The following MGAT5 variants were observed in gnomAD, a reference collection of about 807,000 sequenced individuals.
MGAT5 encodes the protein alpha-1,6-mannosylglycoprotein 6-beta-N-acetylglucosaminyltransferase A.
In MGAT5, 30 loss-of-function variants were observed where a neutral mutation model predicts 94.3. The observed-to-expected ratio is 0.32, with a 90% CI of 0.24 to 0.43. The LOEUF is 0.43. Among genes scored for constraint, MGAT5 ranks in the 20% least tolerant of loss-of-function variants. The pLI is 1.00. For missense variants in MGAT5, 691 were observed against 905.5 expected, an observed-to-expected ratio of 0.76 and a Z score of 3.04; for synonymous variants, 310 against 322.9, an observed-to-expected ratio of 0.96 and a Z score of 0.43.
At chr2:134,390,898 G>A (rs933069007) in intron 10 of MGAT5, among the ~76,000 whole-genome samples, 7 of 152,124 alleles carry the variant, frequency 4.6e-5, no homozygotes, top group Non-Finnish European at 7.3e-5. Flanking sequence ...CTGGATAAAC[G>A]TCTCTTCTTT....
intron 10 of MGAT5, among the ~76,000 whole-genome samples, chr2:134,394,548 C>A (rs567998780): frequency 6.6e-6 from 1 of 152,168 alleles, no homozygotes; most frequent in East Asian, 1.9e-4. Context: ...AATTCTCCCC[C>A]CTTCTTGTTA....
At chr2:134,430,421 C>G (rs1473367924) in intron 14 of MGAT5, among the ~76,000 whole-genome samples, 2 of 152,150 alleles carry the variant, frequency 1.3e-5, no homozygotes, top group African/African-American at 4.8e-5. Context: ...GCTAAATGCT[C>G]CATAATGCAG....
chr2:134,381,386 A>ATAGATAGATAGAT (rs1681567480), intron 10 of MGAT5, among the ~76,000 whole-genome samples: 1 of 95,336 alleles, frequency 1.0e-5, no homozygotes, highest in African/African-American at 4.1e-5. Context: ...GATAGATTAG[A>ATAGATAGATAGAT]TAGATAGATA....
chr2:134,208,610 A>C (rs1292860987), intron 1 of MGAT5, among the ~76,000 whole-genome samples: 1 of 152,232 alleles, frequency 6.6e-6, no homozygotes, highest in African/African-American at 2.4e-5. Context: ...AGTTGTTATA[A>C]TATAAATAAC....
At chr2:134,310,906 C>T (rs762767535) in intron 2 of MGAT5, among the ~76,000 whole-genome samples, 1 of 152,160 alleles carries the variant, frequency 6.6e-6, no homozygotes, top group Non-Finnish European at 1.5e-5. Flanking sequence ...GAGATTGAGT[C>T]GGTTCCCAGC....
intron 14 of MGAT5, among the ~76,000 whole-genome samples, chr2:134,441,499 C>T (rs927425210): frequency 3.3e-5 from 5 of 151,068 alleles, no homozygotes; most frequent in African/African-American, 1.2e-4. Flanking sequence ...TATGACCTCT[C>T]ATCCTGGAGC....
chr2:134,201,598 G>C (rs1679786484), intron 1 of MGAT5, among the ~76,000 whole-genome samples: 1 of 152,042 alleles, frequency 6.6e-6, no homozygotes, highest in South Asian at 2.1e-4. Flanking sequence ...CAATTTTTAT[G>C]ATTTGTCTTC....
chr2:134,412,175 T>C (rs1349382914), intron 11 of MGAT5, among the ~76,000 whole-genome samples: 1 of 152,144 alleles, frequency 6.6e-6, no homozygotes, highest in Non-Finnish European at 1.5e-5. Flanking sequence ...GAGCAAGTTG[T>C]TGCTGCCATC....
intron 2 of MGAT5, among the ~76,000 whole-genome samples, chr2:134,311,901 G>A (rs7587559): frequency 0.57 from 86,144 of 151,968 alleles, 26,672 homozygotes; most frequent in Non-Finnish European, 0.69. Flanking sequence ...TGACACCCAA[G>A]GCACCTAGCA....
At chr2:134,403,645 A>T (rs1683181541) in intron 11 of MGAT5, among the ~76,000 whole-genome samples, 1 of 152,236 alleles carries the variant, frequency 6.6e-6, no homozygotes, top group Admixed American at 6.5e-5. Flanking sequence ...ATCAGGAGAG[A>T]TGCAAGAGAT....
intron 4 of MGAT5, among the ~76,000 whole-genome samples, chr2:134,318,967 T>A (rs1198271537): frequency 6.6e-6 from 1 of 152,216 alleles, no homozygotes; most frequent in Non-Finnish European, 1.5e-5. Context: ...TAGCTTTTCT[T>A]TAAATTGTAG....
At chr2:134,396,663 C>T (rs1682728759) in intron 10 of MGAT5, among the ~76,000 whole-genome samples, 1 of 152,228 alleles carries the variant, frequency 6.6e-6, no homozygotes, top group African/African-American at 2.4e-5. Flanking sequence ...CCATGTTTCC[C>T]ACAAGTCCAT....
At chr2:134,249,292 A>G (rs1011230003), upstream of MGAT5, among the ~76,000 whole-genome samples, 2 of 151,126 alleles carry the variant, frequency 1.3e-5, no homozygotes, top group Non-Finnish European at 2.9e-5. Flanking sequence ...TTAAACGTAT[A>G]CAACTCCATG....
chr2:134,419,668 C>A (rs1684190254), intron 12 of MGAT5, among the ~76,000 whole-genome samples: 1 of 152,076 alleles, frequency 6.6e-6, no homozygotes, highest in African/African-American at 2.4e-5. Flanking sequence ...AGGAACGTAA[C>A]ATTCAGAGGG....
intron 9 of MGAT5, among the ~76,000 whole-genome samples, chr2:134,359,058 T>G (rs1450157231): frequency 6.6e-6 from 1 of 152,234 alleles, no homozygotes; most frequent in Non-Finnish European, 1.5e-5. Context: ...AAGAGACATT[T>G]TGTTCTAAAT....
chr2:134,287,578 G>A (rs901735506), intron 2 of MGAT5, among the ~76,000 whole-genome samples: 3 of 152,178 alleles, frequency 2.0e-5, no homozygotes, highest in Non-Finnish European at 4.4e-5. Flanking sequence ...GACCCTAAAT[G>A]TCTATTTCAG....
At chr2:134,189,602 G>GTTTTTTTTTGTTTTTTTTTT (rs1689240830) in intron 1 of MGAT5, among the ~76,000 whole-genome samples, 2 of 84,672 alleles carry the variant, frequency 2.4e-5, no homozygotes, top group African/African-American at 4.8e-5. Flanking sequence ...GTTTTTTTTT[G>GTTTTTTTTTGTTTTTTTTTT]TTTTTTTTTT....
At chr2:134,127,274 A>G (rs1685884797) in intron 1 of MGAT5, 1 of 154,640 alleles carries the variant, frequency 6.5e-6, no homozygotes. Context: ...CCCTCTGTAA[A>G]AAAGTTCTAG....
At chr2:134,336,817 A>T (rs1688361735) in intron 5 of MGAT5, among the ~76,000 whole-genome samples, 1 of 152,188 alleles carries the variant, frequency 6.6e-6, no homozygotes, top group Admixed American at 6.5e-5. Context: ...GGCCAAGGCC[A>T]TAGGTGACTG....
Sources: allele counts gnomAD v4.1 joint callset (sites outside exome capture counted in the v4.1 genomes callset), GRCh38; gene constraint gnomAD v4.1.1; transcripts MANE v1.5; gene names NCBI Gene and HGNC (gene_info 2026-07-23, HGNC 2026-07-21).